The following ANGPT2 variants were observed in gnomAD, a reference collection of about 807,000 sequenced individuals.
ANGPT2 encodes angiopoietin-2.
ANGPT2 carries 28 observed loss-of-function variants against 62.9 expected under a neutral mutation model. The observed-to-expected ratio is 0.44, with a 90% CI of 0.33 to 0.61. ANGPT2 has a LOEUF of 0.61. Among genes scored for constraint, ANGPT2 ranks in the 20% least tolerant of loss-of-function variants. The pLI is 0.03. For missense variants in ANGPT2, 727 were observed against 594.9 expected, an observed-to-expected ratio of 1.22 and a Z score of -2.31; for synonymous variants, 284 against 207.8, an observed-to-expected ratio of 1.37 and a Z score of -3.15.
intron 1 of ANGPT2, among the ~76,000 whole-genome samples, chr8:6,542,207 A>G (rs1821719235): frequency 6.6e-6 from 1 of 152,106 alleles, no homozygotes; most frequent in Non-Finnish European, 1.5e-5. Flanking sequence ...AAAATGTCTC[A>G]GTGTTTTTCT....
intron 3 of ANGPT2, among the ~76,000 whole-genome samples, chr8:6,525,515 C>T (rs1035430997): frequency 1.3e-5 from 2 of 152,326 alleles, no homozygotes; most frequent in African/African-American, 2.4e-5. Context: ...TAGGCATGAG[C>T]CACTGTGCCT....
In ANGPT2 at chr8:6,563,033, T is replaced by A; in HGVS notation, c.-99A>T. The A allele has an allele frequency of 7.5e-7, 1 of 1,327,880 alleles. No individual in the cohort carries two copies. The highest frequency in any genetic ancestry group is 1.0e-6 in the Non-Finnish European group (1 of 981,938). 82.3% of individuals were successfully genotyped at this position (1,327,880 alleles called of 1,614,324 possible). A position where few individuals can be genotyped will look rare whatever the true frequency, so the allele number is the denominator to read the frequency against. ...CGTCTAAAACGCAGGGCTGCTACGC[T>A]GCCATGGCTGGGTCCGTCAATGAAA... On this transcript the variant is annotated 5_prime_UTR_variant, in exon 1 of 9. Coordinates refer to ENST00000629816, the MANE Select transcript of ANGPT2 (RefSeq NM_001118887.2).
Position 6,532,382 on chromosome 8 carries a change from A to G in ANGPT2, c.394T>C (p.Leu132=), listed in dbSNP as rs761684405. The stretch of plus-strand genomic sequence containing the variant: ...CGCGTTTGCTCCGCTGTTTGGTTCA[A>G]CAGGTTTGTCCCTATTTCTATCATC... ...AVMIEIGTNL[L]NQTAEQTRKL... Residue 132 remains leucine (L), a synonymous_variant, in exon 2 of 9, where the codon TTG becomes CTG. Transcript: ENST00000629816. 3.1e-6 allele frequency: 5 copies of G among 1,614,056 alleles called. No individual in the cohort carries two copies. In the East Asian group the frequency reaches 6.7e-5, roughly 22 times the overall value.
chr8:6,549,756 C>T (rs1823286249), intron 1 of ANGPT2, among the ~76,000 whole-genome samples: 2 of 151,980 alleles, frequency 1.3e-5, no homozygotes, highest in Non-Finnish European at 2.9e-5. Flanking sequence ...GAGCCACGTG[C>T]AGGGCAGCAA....
At chr8:6,504,335 AAAG>A (rs1812833337) in intron 8 of ANGPT2, among the ~76,000 whole-genome samples, 1 of 151,462 alleles carries the variant, frequency 6.6e-6, no homozygotes, top group Non-Finnish European at 1.5e-5. Flanking sequence ...AAAAAAAAAA[AAAG>A]AATGTATAAA....
rs111802946 is a variant in ANGPT2, at chr8:6,501,465, T to A, written c.*1636A>T. ...ATGTTCATTAGTATTAATTGTACTA[T>A]GAAAATTTCAAAAGGAGTTAAAACT... On this transcript the variant is annotated 3_prime_UTR_variant, in exon 9 of 9. Coordinates refer to ENST00000629816, the MANE Select transcript of ANGPT2 (RefSeq NM_001118887.2). 2 of 152,130 alleles carry A rather than the reference T, an allele frequency of 1.3e-5. No individual in the cohort carries two copies. Among genetic ancestry groups the A allele is most frequent in the Non-Finnish European group, 1.5e-5 (1 of 68,014 alleles). The allele number at this position is 152,130 out of a possible 1,614,324, so 9.4% of individuals were successfully genotyped here.
chr8:6,512,836 G>A (rs1815440245), intron 7 of ANGPT2, among the ~76,000 whole-genome samples: 1 of 152,198 alleles, frequency 6.6e-6, no homozygotes, highest in South Asian at 2.1e-4. Flanking sequence ...CCCAGGGAAT[G>A]CTGTGAATCT....
At chr8:6,528,858 C>G (rs575923043) in intron 2 of ANGPT2, among the ~76,000 whole-genome samples, 3 of 152,320 alleles carry the variant, frequency 2.0e-5, no homozygotes, top group South Asian at 4.1e-4. Context: ...TGGTCTTATC[C>G]TTAGAGCTGG....
At chr8:6,549,538 AC>A (rs1001729966) in intron 1 of ANGPT2, among the ~76,000 whole-genome samples, 1 of 151,868 alleles carries the variant, frequency 6.6e-6, no homozygotes, top group African/African-American at 2.4e-5. Context: ...ACAGGTGCGC[AC>A]ATATATGGAT....
intron 1 of ANGPT2, among the ~76,000 whole-genome samples, chr8:6,546,174 A>G (rs1316681659): frequency 5.9e-5 from 9 of 152,256 alleles, no homozygotes; most frequent in Non-Finnish European, 1.2e-4. Context: ...GGAATGAGTT[A>G]GCACAATTCC....
At chr8:6,535,512 C>A (rs571741836) in intron 1 of ANGPT2, among the ~76,000 whole-genome samples, 1 of 152,042 alleles carries the variant, frequency 6.6e-6, no homozygotes, top group Non-Finnish European at 1.5e-5. Context: ...TAATGTGTGT[C>A]CATTTATGTT....
At chr8:6,510,649 C>T (rs1400010952) in intron 7 of ANGPT2, among the ~76,000 whole-genome samples, 2 of 152,178 alleles carry the variant, frequency 1.3e-5, no homozygotes, top group Admixed American at 1.3e-4. Flanking sequence ...CGAGGTCAGA[C>T]TCTTAAGTCA....
chr8:6,550,217 C>T (rs929595734), intron 1 of ANGPT2, among the ~76,000 whole-genome samples: 4 of 152,230 alleles, frequency 2.6e-5, no homozygotes, highest in Non-Finnish European at 4.4e-5. Context: ...CACTGGCTAC[C>T]GCTAGGTGGC....
rs117382926 is a variant in ANGPT2 at position 6,554,345 on chromosome 8, T to C, written c.288+8302A>G. Reference sequence around the variant, plus strand: ...TGGAAAGGCTGGCTGCTTGCTTCCTTTTAAGACTTTGTTCACGTTCTCGCC... The same window carrying C: ...TGGAAAGGCTGGCTGCTTGCTTCCTCTTAAGACTTTGTTCACGTTCTCGCC... On this transcript the variant is annotated intron_variant, in intron 1 of 8. Transcript: ENST00000629816. Among the ~76,000 whole-genome samples the C allele has an allele frequency of 3.3e-5, 5 of 152,034 alleles. No individual in the cohort carries two copies. In the East Asian group the frequency reaches 9.7e-4, roughly 29 times the overall value.
intron 8 of ANGPT2, among the ~76,000 whole-genome samples, chr8:6,505,960 A>T (rs371222520): frequency 5.9e-4 from 1 of 1,692 alleles, no homozygotes; most frequent in African/African-American, 8.0e-4. Flanking sequence ...TGTATATATA[A>T]AAACATACAT....
chr8:6,542,217 T>C (rs574829438), intron 1 of ANGPT2, among the ~76,000 whole-genome samples: 2 of 152,222 alleles, frequency 1.3e-5, no homozygotes, highest in African/African-American at 2.4e-5. Context: ...AGTGTTTTTC[T>C]ATGCCAAATA....
rs983978576 is a variant in ANGPT2 at position 6,503,275 on chromosome 8, A to T, written c.1328-14T>A. ...CAAACCACCAGCCTGTGAAAGTAAA[A>T]CACAGAAGGAATTAGGAACTAGGTG... On this transcript the variant is annotated splice_polypyrimidine_tract_variant and intron_variant, in intron 8 of 8. Coordinates refer to ENST00000629816, the MANE Select transcript of ANGPT2 (RefSeq NM_001118887.2). The T allele has an allele frequency of 6.2e-7, 1 of 1,614,010 alleles. No homozygotes were observed. Among genetic ancestry groups the T allele is most frequent in the Non-Finnish European group, 8.5e-7 (1 of 1,179,964 alleles).
At chr8:6,549,933 G>A (rs1823317602) in intron 1 of ANGPT2, among the ~76,000 whole-genome samples, 1 of 152,174 alleles carries the variant, frequency 6.6e-6, no homozygotes, top group South Asian at 2.1e-4. Flanking sequence ...AGCAGGGCTC[G>A]AGTCTGAGCT....
intron 1 of ANGPT2, among the ~76,000 whole-genome samples, chr8:6,549,119 C>T (rs541464765): frequency 6.6e-6 from 1 of 152,302 alleles, no homozygotes; most frequent in South Asian, 2.1e-4. Flanking sequence ...GTCAGTCCAA[C>T]TCCACAGATT....
Sources: allele counts gnomAD v4.1 joint callset (sites outside exome capture counted in the v4.1 genomes callset), GRCh38; gene constraint gnomAD v4.1.1; transcripts MANE v1.5; gene names NCBI Gene and HGNC (gene_info 2026-07-23, HGNC 2026-07-21).